SNRK: variants seen among roughly 807,000 people sequenced by gnomAD.
SNRK encodes SNF-related serine/threonine-protein kinase.
Under a neutral mutation model 48.2 loss-of-function variants are expected in SNRK, and 3 were observed. That is an observed-to-expected ratio of 0.06 (90% confidence interval 0.03 to 0.16). The LOEUF (loss-of-function observed/expected upper bound fraction) is 0.16, where lower values mean the gene tolerates loss of function less well. SNRK is among the 10% of genes least tolerant of loss of function. SNRK has a pLI of 1.00. For synonymous variants in SNRK, 376 were observed against 366.1 expected (o/e 1.03, Z -0.31); for missense variants, 627 against 976.0 (o/e 0.64, Z 4.76).
In SNRK at chr3:43,345,770, G is replaced by C. The variant is rs552978769; in HGVS notation, c.1080-1569G>C. Among the ~76,000 whole-genome samples the C allele has an allele frequency of 2.4e-4, 36 of 152,270 alleles. 1 individual carries two copies. The Middle Eastern group carries it at 0.02, about 86-fold the overall frequency. On this transcript the variant is annotated intron_variant, in intron 6 of 6. Coordinates refer to ENST00000296088, the MANE Select transcript of SNRK (RefSeq NM_017719.5). ...GGATCCTGCAGCAGTGAGGTGGTGT[G>C]GTATTGGGAGTTGTCAAATCAAGTA...
intron 3 of SNRK, among the ~76,000 whole-genome samples, chr3:43,313,946 G>GT (rs2090996950): frequency 6.6e-6 from 1 of 152,178 alleles, no homozygotes; most frequent in African/African-American, 2.4e-5. Flanking sequence ...GTGTAGTGTG[G>GT]TTTTAGTTTT....
chr3:43,338,379 C>T (rs1436151212), intron 4 of SNRK, among the ~76,000 whole-genome samples: 2 of 152,228 alleles, frequency 1.3e-5, no homozygotes, highest in African/African-American at 4.8e-5. Flanking sequence ...CAGTTATTTT[C>T]TCTCAGCTCA....
At chr3:43,329,805 T>C (rs1032079783) in intron 3 of SNRK, among the ~76,000 whole-genome samples, 2 of 152,216 alleles carry the variant, frequency 1.3e-5, no homozygotes, top group African/African-American at 2.4e-5. Context: ...AATTTCCAAA[T>C]AATTGGACTT....
intron 3 of SNRK, among the ~76,000 whole-genome samples, chr3:43,329,660 T>C (rs1247113505): frequency 6.6e-6 from 1 of 152,232 alleles, no homozygotes; most frequent in Non-Finnish European, 1.5e-5. Context: ...TATTTAGAAA[T>C]TATTTGAGCC....
At chr3:43,300,868 T>A (rs1025180364) in intron 2 of SNRK, among the ~76,000 whole-genome samples, 6 of 152,272 alleles carry the variant, frequency 3.9e-5, no homozygotes, top group African/African-American at 1.4e-4. Flanking sequence ...GGATTAATAG[T>A]TTTGGTTCTG....
chr3:43,301,337 G>C (rs954861885), intron 2 of SNRK, among the ~76,000 whole-genome samples: 7 of 152,014 alleles, frequency 4.6e-5, no homozygotes, highest in Non-Finnish European at 8.8e-5. Context: ...TCCTAAATGG[G>C]GCATTGATTA....
rs190230925 is a variant in SNRK at position 43,350,955 on chromosome 3, C to T, written c.*2398C>T. 9.2e-5 allele frequency: 14 copies of T among 152,440 alleles called. No individual in the cohort carries two copies. The highest frequency in any genetic ancestry group is 2.6e-4 in the Admixed American group (4 of 15,278). The allele number at this position is 152,440 out of a possible 1,614,324, so 9.4% of individuals were successfully genotyped here. A position where few individuals can be genotyped will look rare whatever the true frequency, so the allele number is the denominator to read the frequency against. The stretch of plus-strand genomic sequence containing the variant: ...CCAATTTTAAGAATAGCTGTGAGAC[C>T]GAATTAAAGATAATCCCTACCAAGT... On this transcript the variant is annotated 3_prime_UTR_variant, in exon 7 of 7. Transcript: ENST00000296088.
chr3:43,292,267 G>A (rs887737954), intron 1 of SNRK, among the ~76,000 whole-genome samples: 3 of 152,302 alleles, frequency 2.0e-5, no homozygotes, highest in Admixed American at 6.5e-5. Flanking sequence ...GTGTTTTATG[G>A]AACTTTGTAG....
rs2091287777 is a variant in SNRK at position 43,347,646 on chromosome 3, A to C, written c.1387A>C (p.Thr463Pro). The C allele has an allele frequency of 6.2e-7, 1 of 1,613,730 alleles. No homozygotes were observed. The highest frequency in any genetic ancestry group is 1.3e-5 in the African/African-American group (1 of 74,908). ...GGACAAGAAACCCATGTCCCTCTCAACACAAGTGGTTTTGCGCCGGAAGCC... is the reference window on the plus strand; with the variant it reads ...GGACAAGAAACCCATGTCCCTCTCACCACAAGTGGTTTTGCGCCGGAAGCC... ...EEDKKPMSLS[T>P]QVVLRRKPSV... Residue 463 changes from threonine to proline, a missense_variant, in exon 7 of 7, where the codon ACA becomes CCA. This residue lies in a region of SNRK where 98 missense variants were observed against 175.2 expected (regional missense o/e 0.56). Coordinates refer to ENST00000296088, the MANE Select transcript of SNRK (RefSeq NM_017719.5). This position sits in a 1 kb window ranked among gnomAD's most constrained non-coding sequence, Gnocchi z 5.4.
chr3:43,301,938 G>A (rs116470586), intron 2 of SNRK, among the ~76,000 whole-genome samples: 195 of 152,272 alleles, frequency 1.3e-3, no homozygotes, highest in African/African-American at 4.6e-3. Context: ...TTGTTTTTCT[G>A]AGTCATTGTC....
At position 43,331,665 on chromosome 3, in the gene SNRK, G is replaced by A. The variant is rs1051464909; in HGVS notation, c.590-504G>A. ...CCTGATTGACTATATTGATGGCCAT[G>A]TTTCTTTCCTCCTTGAGCTTTAATT... On this transcript the variant is annotated intron_variant, in intron 3 of 6. Transcript: ENST00000296088. 2.6e-5 allele frequency among the ~76,000 whole-genome samples: 4 copies of A among 152,188 alleles called. No individual in the cohort carries two copies. In the South Asian group the frequency reaches 6.2e-4, roughly 24 times the overall value.
intron 4 of SNRK, among the ~76,000 whole-genome samples, chr3:43,334,049 G>A (rs948516762): frequency 1.5e-4 from 23 of 152,206 alleles, no homozygotes; most frequent in Non-Finnish European, 2.8e-4. Flanking sequence ...AGGAGGCTGA[G>A]GCAGGAGAAT....
At chr3:43,315,675 C>T (rs921476153) in intron 3 of SNRK, among the ~76,000 whole-genome samples, 2 of 152,200 alleles carry the variant, frequency 1.3e-5, no homozygotes, top group Non-Finnish European at 2.9e-5. Flanking sequence ...TTTAAAGTAG[C>T]ACCTCAGTAA....
intron 3 of SNRK, among the ~76,000 whole-genome samples, chr3:43,316,232 A>G (rs1300514200): frequency 6.6e-6 from 1 of 152,188 alleles, no homozygotes; most frequent in Non-Finnish European, 1.5e-5. Flanking sequence ...TATAAGGCTC[A>G]GATCAAACAA....
At chr3:43,298,313 G>C (rs1386051713) in intron 1 of SNRK, among the ~76,000 whole-genome samples, 1 of 152,166 alleles carries the variant, frequency 6.6e-6, no homozygotes, top group Admixed American at 6.5e-5. Context: ...TTGCCACAGA[G>C]ACTAGGGATG....
chr3:43,294,810 A>G (rs1320165849), intron 1 of SNRK, among the ~76,000 whole-genome samples: 4 of 151,954 alleles, frequency 2.6e-5, no homozygotes, highest in Non-Finnish European at 4.4e-5. Flanking sequence ...GAATAAAAAG[A>G]TGGTAGGGAG....
chr3:43,286,590 T>C lies in SNRK; in HGVS notation c.-254T>C, dbSNP rs545317748. The stretch of plus-strand genomic sequence containing the variant: ...GCCGGCAGCCCGCTCGGTATTATGA[T>C]TAGCGCTGGGTGCGGGGTTTCGGCG... On this transcript the variant is annotated 5_prime_UTR_variant, in exon 1 of 7. Transcript: ENST00000296088. The C allele has an allele frequency of 6.7e-6, 1 of 150,264 alleles. No individual in the cohort carries two copies. Among genetic ancestry groups the C allele is most frequent in the Non-Finnish European group, 1.5e-5 (1 of 67,324 alleles). 9.3% of individuals were successfully genotyped at this position (150,264 alleles called of 1,614,324 possible).
intron 5 of SNRK, among the ~76,000 whole-genome samples, chr3:43,341,547 T>C (rs1275132712): frequency 6.6e-6 from 1 of 152,130 alleles, no homozygotes; most frequent in African/African-American, 2.4e-5. Flanking sequence ...CTATAAGAGG[T>C]CCTGACTGTA....
At chr3:43,302,628 C>T (rs1218967765) in intron 2 of SNRK, among the ~76,000 whole-genome samples, 1 of 150,562 alleles carries the variant, frequency 6.6e-6, no homozygotes, top group Non-Finnish European at 1.5e-5. Flanking sequence ...GAGAAACCTT[C>T]ACAGAATGGA....
Sources: gnomAD v4.1 joint callset for allele counts (sites outside exome capture counted in the v4.1 genomes callset) on GRCh38, gnomAD v4.1.1 for gene constraint, gnomAD v4.1.1 regional missense constraint, Gnocchi (gnomAD v3.1) non-coding constraint, MANE v1.5 for transcripts, NCBI Gene and HGNC (gene_info 2026-07-23, HGNC 2026-07-21) for gene names.